Variants in LRRC28 observed in about 807,000 individuals in gnomAD.
LRRC28 encodes the protein leucine-rich repeat-containing protein 28.
Under a neutral mutation model 45.7 loss-of-function variants are expected in LRRC28, and 39 were observed. The ratio of observed to expected loss-of-function variants is 0.85; its 90% CI spans 0.66 to 1.12. The LOEUF is 1.12. Ranked by LOEUF, LRRC28 falls within the 50% of genes most tolerant of loss-of-function variation. The pLI, the probability that LRRC28 is intolerant of heterozygous loss-of-function variation, is 0.00. For missense variants in LRRC28, 435 were observed against 438.5 expected (o/e 0.99, Z 0.07); for synonymous variants, 206 against 178.8 (o/e 1.15, Z -1.22).
At chr15:99,325,891 C>T (rs1184020321) in intron 5 of LRRC28, among the ~76,000 whole-genome samples, 13 of 152,004 alleles carry the variant, frequency 8.6e-5, no homozygotes, top group Non-Finnish European at 5.9e-5. Flanking sequence ...CGCCATCTGA[C>T]GTATATTTTA....
chr15:99,336,729 A>G (rs1319139695), intron 6 of LRRC28, among the ~76,000 whole-genome samples: 1 of 152,198 alleles, frequency 6.6e-6, no homozygotes, highest in Non-Finnish European at 1.5e-5. Context: ...ATAAAAGCCT[A>G]GGCCTGAGAC....
chr15:99,284,755 T>C, intron 3 of LRRC28: 1 of 526,448 alleles, frequency 1.9e-6, no homozygotes, highest in South Asian at 1.4e-5. Context: ...CCTCCCTTCA[T>C]GGGTTCAAAA....
intron 8 of LRRC28, among the ~76,000 whole-genome samples, chr15:99,361,864 G>A (rs1957213873): frequency 6.6e-6 from 1 of 152,226 alleles, no homozygotes; most frequent in Non-Finnish European, 1.5e-5. Context: ...TGGTGTTTGG[G>A]AATGTGTATT....
intron 5 of LRRC28, among the ~76,000 whole-genome samples, chr15:99,315,116 T>G (rs951383408): frequency 6.6e-6 from 1 of 152,160 alleles, no homozygotes; most frequent in African/African-American, 2.4e-5. Flanking sequence ...GAAAAAAAAT[T>G]TTTACCATTA....
At chr15:99,378,889 C>G (rs776345464) in intron 9 of LRRC28, among the ~76,000 whole-genome samples, 1 of 152,132 alleles carries the variant, frequency 6.6e-6, no homozygotes, top group Non-Finnish European at 1.5e-5. Flanking sequence ...AGGGATGAAG[C>G]CCACTTGATC....
chr15:99,368,623 C>G (rs189261483), intron 9 of LRRC28, among the ~76,000 whole-genome samples: 2 of 152,132 alleles, frequency 1.3e-5, no homozygotes, highest in African/African-American at 4.8e-5. Flanking sequence ...GTTCTTTTGG[C>G]CATCCTGCCT....
chr15:99,278,636 A>G (rs557010031), intron 3 of LRRC28, among the ~76,000 whole-genome samples: 2 of 152,348 alleles, frequency 1.3e-5, no homozygotes, highest in Admixed American at 1.3e-4. Context: ...TCTGTAGTCT[A>G]TTGTGTTAAG....
At chr15:99,340,652 CT>C (rs1417669795) in intron 6 of LRRC28, among the ~76,000 whole-genome samples, 1 of 152,048 alleles carries the variant, frequency 6.6e-6, no homozygotes, top group African/African-American at 2.4e-5. Context: ...AATTTGTGGC[CT>C]TAAGTAAATT....
intron 5 of LRRC28, chr15:99,333,469 C>T (rs1956221244): frequency 6.0e-6 from 1 of 167,402 alleles, no homozygotes; most frequent in Non-Finnish European, 1.3e-5. Context: ...CTGTTTAGCT[C>T]ATATGAACAA....
Position 99,266,347 on chromosome 15 carries a change from A to G in LRRC28, c.168+10222A>G, listed in dbSNP as rs534006076. On this transcript the variant is annotated intron_variant, in intron 2 of 9. Transcript: ENST00000301981. ...AGTGATAAAACACTAATTTTTACCT[A>G]TCAGATTGGCAAAGATGAACACCTA... Among the ~76,000 whole-genome samples, 4 of 152,318 alleles carry G rather than the reference A, an allele frequency of 2.6e-5. No individual in the cohort carries two copies. The South Asian group carries it at 8.3e-4, about 32-fold the overall frequency.
intron 5 of LRRC28, among the ~76,000 whole-genome samples, chr15:99,307,459 A>T (rs917381775): frequency 5.3e-5 from 8 of 152,218 alleles, no homozygotes; most frequent in African/African-American, 1.9e-4. Context: ...TTTTAGAAAG[A>T]TCTATTCCTC....
chr15:99,289,939 C>CAA (rs398028517), intron 5 of LRRC28, among the ~76,000 whole-genome samples: 4,979 of 49,466 alleles, frequency 0.1, 500 homozygotes, highest in Middle Eastern at 0.14. Flanking sequence ...GACTCCGTCT[C>CAA]AAAAAAAAAA....
chr15:99,329,482 T>A (rs1229372494), intron 5 of LRRC28, among the ~76,000 whole-genome samples: 4 of 152,246 alleles, frequency 2.6e-5, no homozygotes, highest in African/African-American at 9.6e-5. Context: ...TCGCATAATT[T>A]CCAACACTGG....
chr15:99,270,755 A>G (rs963043586), intron 2 of LRRC28, among the ~76,000 whole-genome samples: 2 of 152,172 alleles, frequency 1.3e-5, no homozygotes, highest in African/African-American at 4.8e-5. Context: ...GACATGTTGA[A>G]GGACCTGTTT....
At chr15:99,368,464 C>T (rs138987333) in intron 9 of LRRC28, among the ~76,000 whole-genome samples, 1 of 152,330 alleles carries the variant, frequency 6.6e-6, no homozygotes, top group East Asian at 1.9e-4. Context: ...TGGCTCCACA[C>T]TCTGTTCTCT....
At chr15:99,320,319 T>C (rs1264658838) in intron 5 of LRRC28, among the ~76,000 whole-genome samples, 2 of 152,192 alleles carry the variant, frequency 1.3e-5, no homozygotes, top group Non-Finnish European at 2.9e-5. Flanking sequence ...TTACTAAATA[T>C]AACCTGCCAC....
At chr15:99,265,145 G>A (rs2152137217) in intron 2 of LRRC28, among the ~76,000 whole-genome samples, 1 of 152,264 alleles carries the variant, frequency 6.6e-6, no homozygotes, top group African/African-American at 2.4e-5. Context: ...TGGTGACTAA[G>A]CTTATGGTGG....
At chr15:99,302,352 A>G (rs184247609) in intron 5 of LRRC28, among the ~76,000 whole-genome samples, 2 of 150,768 alleles carry the variant, frequency 1.3e-5, no homozygotes, top group East Asian at 3.9e-4. Flanking sequence ...TAAGCTATTG[A>G]TTTTCTTTGT....
intron 5 of LRRC28, among the ~76,000 whole-genome samples, chr15:99,313,789 G>A (rs145796308): frequency 6.6e-6 from 1 of 151,992 alleles, no homozygotes; most frequent in Admixed American, 6.6e-5. Context: ...AGTTTTAGGG[G>A]ACAAAGCTGT....
Sources: allele counts gnomAD v4.1 joint callset (sites outside exome capture counted in the v4.1 genomes callset), GRCh38; gene constraint gnomAD v4.1.1; transcripts MANE v1.5; gene names NCBI Gene and HGNC (gene_info 2026-07-23, HGNC 2026-07-21).